DAPK1: variants seen among roughly 807,000 people sequenced by gnomAD.
DAPK1 encodes death-associated protein kinase 1.
DAPK1 carries 56 observed loss-of-function variants against 144.9 expected under a neutral mutation model. That is an observed-to-expected ratio of 0.39 (90% CI 0.31 to 0.48). The LOEUF (loss-of-function observed/expected upper bound fraction) is 0.48. DAPK1 is among the 20% of genes least tolerant of loss of function. DAPK1 has a pLI of 0.95. For missense variants in DAPK1, 1,454 were observed against 1,875.4 expected (o/e 0.78, Z 4.15); for synonymous variants, 690 against 749.0 (o/e 0.92, Z 1.29).
intron 2 of DAPK1, among the ~76,000 whole-genome samples, chr9:87,571,498 A>AACACACACACACACACAC (rs768913480): frequency 0.13 from 5,982 of 46,144 alleles, 1,292 homozygotes; most frequent in Non-Finnish European, 0.17. Context: ...CACACACCCC[A>AACACACACACACACACAC]ACACACACAC....
intron 2 of DAPK1, among the ~76,000 whole-genome samples, chr9:87,576,017 C>G (rs1055541491): frequency 6.6e-6 from 1 of 152,174 alleles, no homozygotes; most frequent in Non-Finnish European, 1.5e-5. Context: ...AAATGCCTTC[C>G]GTGGTTCAAT....
At chr9:87,609,959 C>T (rs1828869373) in intron 3 of DAPK1, among the ~76,000 whole-genome samples, 1 of 152,162 alleles carries the variant, frequency 6.6e-6, no homozygotes, top group Non-Finnish European at 1.5e-5. Flanking sequence ...CCCATCCTTC[C>T]CACTGAAATA....
At chr9:87,632,108 ATG>A in intron 3 of DAPK1, 1 of 635,504 alleles carries the variant, frequency 1.6e-6, no homozygotes. Flanking sequence ...ATATATATAT[ATG>A]TATGTGTGTG....
intron 3 of DAPK1, among the ~76,000 whole-genome samples, chr9:87,610,465 G>T (rs1208552175): frequency 6.6e-6 from 1 of 152,278 alleles, no homozygotes; most frequent in Admixed American, 6.5e-5. Context: ...AGAACTTAAA[G>T]TCGATGCTAT....
At chr9:87,704,506 A>G (rs553460812) in intron 25 of DAPK1, among the ~76,000 whole-genome samples, 2 of 152,228 alleles carry the variant, frequency 1.3e-5, no homozygotes, top group Non-Finnish European at 2.9e-5. Flanking sequence ...TTCCGTATCT[A>G]ATTTGCAGAT....
Position 87,706,349 on chromosome 9 carries a change from G to C in DAPK1, c.3278G>C (p.Arg1093Pro). The change falls in exon 26 of 26, where the codon CGG becomes CCG. Residue 1093 changes from arginine to proline, a missense_variant. This residue lies in a region of DAPK1 where 1,025 missense variants were observed against 1,237.9 expected (regional missense o/e 0.83). Coordinates refer to ENST00000408954, the MANE Select transcript of DAPK1 (RefSeq NM_004938.4). The surrounding 1 kb of genome is among the most constrained non-coding windows in gnomAD (Gnocchi z 9.0). ...CTCGATGCCATGGACATCTGCGCCC[G>C]GGACCTGAGCAGCGGGACCATGGTG... is the stretch of plus-strand genomic sequence containing the variant. ...QILDAMDICA[R>P]DLSSGTMVDV... 6.2e-7 allele frequency: 1 copy of C among 1,607,992 alleles called. No homozygotes were observed. Among genetic ancestry groups the C allele is most frequent in the Non-Finnish European group, 8.5e-7 (1 of 1,177,054 alleles).
At position 87,639,334 on chromosome 9, in the gene DAPK1, A is replaced by C. The variant is rs772587728; in HGVS notation, c.424-20A>C. The C allele has an allele frequency of 1.3e-6, 2 of 1,553,128 alleles. No homozygotes were observed. The highest frequency in any genetic ancestry group is 2.1e-5 in the Admixed American group (1 of 48,210). The stretch of plus-strand genomic sequence containing the variant: ...CATAACATATCATAGCTTTTTATTT[A>C]TCTCTCTCTTTTTTTCAAGCCTGAG... On this transcript the variant is annotated intron_variant, in intron 4 of 25. Transcript: ENST00000408954.
At chr9:87,659,266 A>AT (rs1477460615) in intron 18 of DAPK1, among the ~76,000 whole-genome samples, 1 of 152,046 alleles carries the variant, frequency 6.6e-6, no homozygotes, top group African/African-American at 2.4e-5. Flanking sequence ...AGGCCCAGTT[A>AT]TTACCAGTAC....
chr9:87,604,449 T>C (rs1828641844), intron 2 of DAPK1, among the ~76,000 whole-genome samples: 1 of 152,252 alleles, frequency 6.6e-6, no homozygotes, highest in African/African-American at 2.4e-5. Flanking sequence ...TATCAGTCGC[T>C]TAATTATAAA....
intron 2 of DAPK1, among the ~76,000 whole-genome samples, chr9:87,575,270 A>G (rs1053631003): frequency 7.3e-6 from 1 of 136,970 alleles, no homozygotes; most frequent in East Asian, 2.4e-4. Flanking sequence ...ATAAAATAAA[A>G]TAAAGGTAAA....
chr9:87,575,881 C>A (rs530509393), intron 2 of DAPK1, among the ~76,000 whole-genome samples: 1 of 152,280 alleles, frequency 6.6e-6, no homozygotes, highest in Admixed American at 6.5e-5. Context: ...TAAGGTGCTC[C>A]CTGGCAAGGG....
In DAPK1 at chr9:87,686,473, A is replaced by G. The variant is rs756117306; in HGVS notation, c.2225-78A>G. 3 of 803,244 alleles carry G rather than the reference A, an allele frequency of 3.7e-6. No homozygotes were observed. Among genetic ancestry groups the G allele is most frequent in the Non-Finnish European group, 6.2e-6 (3 of 484,368 alleles). 49.8% of individuals were successfully genotyped at this position (803,244 alleles called of 1,614,324 possible). A position where few individuals can be genotyped will look rare whatever the true frequency, so the allele number is the denominator to read the frequency against. ...ACAGAGGCGTGCTCCAGAAAAGGAA[A>G]CCTCAGGGCCAGCCTGGGAGGGAGA... On this transcript the variant is annotated intron_variant, in intron 20 of 25. Coordinates refer to ENST00000408954, the MANE Select transcript of DAPK1 (RefSeq NM_004938.4). This position sits in a 1 kb window ranked among gnomAD's most constrained non-coding sequence, Gnocchi z 4.2.
At chr9:87,694,720 G>A (rs538463224) in intron 21 of DAPK1, among the ~76,000 whole-genome samples, 1 of 152,310 alleles carries the variant, frequency 6.6e-6, no homozygotes, top group South Asian at 2.1e-4. Context: ...GACCTTGGTG[G>A]CAGCTGCCAG....
Position 87,532,610 on chromosome 9 carries a change from C to T in DAPK1, c.62+33471C>T, listed in dbSNP as rs571120051. On this transcript the variant is annotated intron_variant, in intron 2 of 25. Transcript: ENST00000408954. ...TTCTTATTTTGATAGCATTTTTATACCCCCTATGCAAAACTGAAAATGCTA... is the reference window on the plus strand; with the variant it reads ...TTCTTATTTTGATAGCATTTTTATATCCCCTATGCAAAACTGAAAATGCTA... Among the ~76,000 whole-genome samples the T allele has an allele frequency of 2.1e-4, 32 of 152,084 alleles. 1 individual carries two copies. In the South Asian group the frequency reaches 6.7e-3, roughly 32 times the overall value.
chr9:87,648,436 T>C (rs1277306853), intron 14 of DAPK1: 1 of 217,644 alleles, frequency 4.6e-6, no homozygotes, highest in Non-Finnish European at 9.0e-6. Context: ...ATGAACCCAA[T>C]AGTAAAAAGA....
At chr9:87,596,769 T>C (rs907566310) in intron 2 of DAPK1, among the ~76,000 whole-genome samples, 4 of 152,242 alleles carry the variant, frequency 2.6e-5, no homozygotes, top group African/African-American at 4.8e-5. Flanking sequence ...GATTCTTCAG[T>C]GCTGTTCTGC....
intron 21 of DAPK1, among the ~76,000 whole-genome samples, chr9:87,688,198 T>C (rs1487616569): frequency 1.3e-5 from 2 of 152,072 alleles, no homozygotes; most frequent in Non-Finnish European, 2.9e-5. Context: ...CATATTTGGT[T>C]TTCTGTTCCT....
intron 2 of DAPK1, among the ~76,000 whole-genome samples, chr9:87,602,080 G>A (rs1828542274): frequency 6.6e-6 from 1 of 152,114 alleles, no homozygotes; most frequent in South Asian, 2.1e-4. Context: ...GAGGGGTATG[G>A]GGTGCTCTTT....
intron 3 of DAPK1, chr9:87,632,818 G>C: frequency 1.0e-6 from 1 of 977,774 alleles, no homozygotes; most frequent in East Asian, 1.2e-4. Context: ...GAAGGAGGTT[G>C]AGTACATATG....
Sources: gnomAD v4.1 joint callset for allele counts (sites outside exome capture counted in the v4.1 genomes callset) on GRCh38, gnomAD v4.1.1 for gene constraint, gnomAD v4.1.1 regional missense constraint, Gnocchi (gnomAD v3.1) non-coding constraint, MANE v1.5 for transcripts, NCBI Gene and HGNC (gene_info 2026-07-23, HGNC 2026-07-21) for gene names.